The following GFRA1 variants were observed in gnomAD, a reference collection of about 807,000 sequenced individuals.
The protein encoded by GFRA1 is GDNF family receptor alpha 1, also known as GDNF family receptor alpha-1.
Under a neutral mutation model 51.6 loss-of-function variants are expected in GFRA1, and 16 were observed. The ratio of observed to expected loss-of-function variants is 0.31; its 90% CI spans 0.21 to 0.47. The LOEUF (loss-of-function observed/expected upper bound fraction) is 0.47. Ranked by LOEUF, GFRA1 falls within the 20% of genes least tolerant of loss-of-function variation. GFRA1 has a pLI of 1.00. For synonymous variants in GFRA1, 270 were observed against 241.3 expected (o/e 1.12, Z -1.10); for missense variants, 530 against 594.3 (o/e 0.89, Z 1.13).
rs892608759 is a variant in GFRA1, at chr10:116,059,819, G to A, written c.*4579C>T. On this transcript the variant is annotated 3_prime_UTR_variant, in exon 11 of 11. Transcript: ENST00000355422. ...GAGGGAGCTCAGAGGAGAGTTAGCT[G>A]GAGGAACTTCGTATTTGGGGATTAG... 1 of 151,240 alleles carries A rather than the reference G, an allele frequency of 6.6e-6. No homozygotes were observed. Among genetic ancestry groups the A allele is most frequent in the African/African-American group, 2.5e-5 (1 of 40,544 alleles). 9.4% of individuals were successfully genotyped at this position (151,240 alleles called of 1,614,324 possible). A position where few individuals can be genotyped will look rare whatever the true frequency, so the allele number is the denominator to read the frequency against.
intron 5 of GFRA1, among the ~76,000 whole-genome samples, chr10:116,165,863 T>TG (rs57849265): frequency 1 from 152,267 of 152,274 alleles, 76,130 homozygotes; most frequent in East Asian, 1. Flanking sequence ...ACTTGTGTCA[T>TG]GGGGTTTGCT....
At chr10:116,159,443 A>G (rs1464040753) in intron 5 of GFRA1, among the ~76,000 whole-genome samples, 1 of 152,212 alleles carries the variant, frequency 6.6e-6, no homozygotes, top group African/African-American at 2.4e-5. Context: ...TGCAGGCCAC[A>G]CTATGCAGTC....
At chr10:116,172,236 A>G (rs1475917697) in intron 5 of GFRA1, among the ~76,000 whole-genome samples, 2 of 152,136 alleles carry the variant, frequency 1.3e-5, no homozygotes, top group Admixed American at 1.3e-4. Context: ...CCGTTTGCTC[A>G]CGACAACTGA....
chr10:116,105,043 AC>A (rs1200961579), intron 6 of GFRA1, among the ~76,000 whole-genome samples: 1 of 152,206 alleles, frequency 6.6e-6, no homozygotes, highest in Non-Finnish European at 1.5e-5. Flanking sequence ...GTTTTATATT[AC>A]CCATACTATG....
At chr10:116,160,041 A>G (rs1005682185) in intron 5 of GFRA1, among the ~76,000 whole-genome samples, 2 of 152,222 alleles carry the variant, frequency 1.3e-5, no homozygotes, top group Non-Finnish European at 2.9e-5. Flanking sequence ...TTTCCTGGCC[A>G]ACATATAAAA....
intron 6 of GFRA1, among the ~76,000 whole-genome samples, chr10:116,114,682 TACC>T (rs537674685): frequency 1.3e-3 from 198 of 152,168 alleles, no homozygotes; most frequent in African/African-American, 4.7e-3. Context: ...TACAGGCACA[TACC>T]ACCACACCAG....
chr10:116,267,451 TG>T (rs1218205203), intron 4 of GFRA1, among the ~76,000 whole-genome samples: 3 of 151,858 alleles, frequency 2.0e-5, no homozygotes, highest in Non-Finnish European at 4.4e-5. Flanking sequence ...GGGCCCTGGG[TG>T]GCAGAACAAG....
intron 9 of GFRA1, among the ~76,000 whole-genome samples, chr10:116,088,178 C>A (rs1302170360): frequency 6.6e-6 from 1 of 152,014 alleles, no homozygotes; most frequent in Non-Finnish European, 1.5e-5. Context: ...CTCGAGATAC[C>A]AAGCAAATCA....
At chr10:116,092,234 G>A (rs767901945) in intron 8 of GFRA1, among the ~76,000 whole-genome samples, 50 of 151,988 alleles carry the variant, frequency 3.3e-4, no homozygotes, top group Admixed American at 9.2e-4. Context: ...CTACTTTTGT[G>A]GGTGTGAATT....
intron 4 of GFRA1, among the ~76,000 whole-genome samples, chr10:116,218,945 T>C (rs1240900929): frequency 6.6e-6 from 1 of 152,138 alleles, no homozygotes; most frequent in Non-Finnish European, 1.5e-5. Context: ...ACTTTGCCTG[T>C]CACTGTTGTA....
intron 9 of GFRA1, among the ~76,000 whole-genome samples, chr10:116,084,941 C>T (rs536353927): frequency 1.1e-4 from 16 of 151,260 alleles, no homozygotes; most frequent in Admixed American, 4.0e-4. Flanking sequence ...ATAAGTAAGT[C>T]GAAGGAATAG....
intron 2 of GFRA1, among the ~76,000 whole-genome samples, 184 bp downstream of exon 2, chr10:116,271,806 C>T (rs1341644951): frequency 6.6e-6 from 1 of 152,146 alleles, no homozygotes; most frequent in Non-Finnish European, 1.5e-5. Context: ...CTTCAGGCAG[C>T]GCCGCGCCGC....
At chr10:116,183,376 T>C (rs1755307124) in intron 5 of GFRA1, among the ~76,000 whole-genome samples, 1 of 152,200 alleles carries the variant, frequency 6.6e-6, no homozygotes, top group Non-Finnish European at 1.5e-5. Context: ...TGTCAGGGAA[T>C]CATCTCCACA....
intron 6 of GFRA1, among the ~76,000 whole-genome samples, chr10:116,108,162 C>T (rs891115264): frequency 6.6e-6 from 1 of 152,170 alleles, no homozygotes; most frequent in Admixed American, 6.5e-5. Flanking sequence ...CCCTATTAAT[C>T]TTTAATAGGC....
chr10:116,076,531 G>A (rs56385756), intron 9 of GFRA1, among the ~76,000 whole-genome samples: 19,361 of 152,106 alleles, frequency 0.13, 4,076 homozygotes, highest in African/African-American at 0.44. Flanking sequence ...CCGGGTGGAG[G>A]GTTCAAAATC....
intron 5 of GFRA1, among the ~76,000 whole-genome samples, chr10:116,188,071 T>TATA (rs953492154): frequency 5.3e-5 from 8 of 152,150 alleles, no homozygotes; most frequent in African/African-American, 1.7e-4. Context: ...CAACCCTATA[T>TATA]ATAATACATA....
chr10:116,139,870 C>T (rs1357226135), intron 5 of GFRA1, among the ~76,000 whole-genome samples: 2 of 152,220 alleles, frequency 1.3e-5, no homozygotes, highest in African/African-American at 2.4e-5. Flanking sequence ...CAGGAGGTCC[C>T]ATTTTAAGAC....
At chr10:116,190,234 G>T (rs1963128373) in intron 5 of GFRA1, among the ~76,000 whole-genome samples, 1 of 152,186 alleles carries the variant, frequency 6.6e-6, no homozygotes, top group Non-Finnish European at 1.5e-5. Flanking sequence ...AACCTTTCAA[G>T]TGCTTGGTGC....
chr10:116,179,559 C>T lies in GFRA1; in HGVS notation c.433+32072G>A, dbSNP rs187430310. On this transcript the variant is annotated intron_variant, in intron 5 of 10. Transcript: ENST00000355422. ...TCGTTCCAGAATCCATGCTCTTCAC[C>T]GTCTCAATATACTGCCTTTTGTTTA... 2.0e-4 allele frequency among the ~76,000 whole-genome samples: 30 copies of T among 152,286 alleles called. No homozygotes were observed. In the East Asian group the frequency reaches 3.1e-3, roughly 16 times the overall value.
Sources: gnomAD v4.1 joint callset for allele counts (sites outside exome capture counted in the v4.1 genomes callset) on GRCh38, gnomAD v4.1.1 for gene constraint, MANE v1.5 for transcripts, NCBI Gene and HGNC (gene_info 2026-07-23, HGNC 2026-07-21) for gene names.